PASD1: variants seen among roughly 807,000 people sequenced by gnomAD.
The protein encoded by PASD1 is PAS domain containing repressor 1.
PASD1 carries 13 observed loss-of-function variants against 58.8 expected under a neutral mutation model. The observed-to-expected ratio is 0.22, with a 90% CI of 0.14 to 0.35. PASD1 has a LOEUF of 0.35. Ranked by LOEUF, PASD1 falls within the 10% of genes least tolerant of loss-of-function variation. The pLI, the probability that PASD1 is intolerant of heterozygous loss-of-function variation, is 1.00. For missense variants in PASD1, 734 were observed against 568.3 expected, an observed-to-expected ratio of 1.29 and a Z score of -2.96; for synonymous variants, 236 against 216.7, an observed-to-expected ratio of 1.09 and a Z score of -0.78.
At chrX:151,651,413 A>G (rs758073432) in intron 9 of PASD1, among the ~76,000 whole-genome samples, 3 of 111,783 alleles carry the variant, frequency 2.7e-5, no homozygotes, top group Non-Finnish European at 5.6e-5. Context: ...ACCCAAATCC[A>G]TTGTGTCAGG....
intron 2 of PASD1, among the ~76,000 whole-genome samples, chrX:151,602,173 A>G (rs1385284675): frequency 9.0e-6 from 1 of 111,707 alleles, no homozygotes; most frequent in Non-Finnish European, 1.9e-5. Context: ...CAAGTGTACA[A>G]TATACTGTTA....
chrX:151,671,919 G>A (rs912672815), intron 13 of PASD1, 140 bp downstream of exon 13: 1 of 757,932 alleles, frequency 1.3e-6, no homozygotes, highest in African/African-American at 2.1e-5. Flanking sequence ...AAAAATCCTG[G>A]GCTACCTAGA....
At chrX:151,601,443 G>A in intron 1 of PASD1, 84 bp from the exon 2 acceptor site, 4 of 701,129 alleles carry the variant, frequency 5.7e-6, no homozygotes, top group Non-Finnish European at 8.7e-6. Flanking sequence ...TTACACAATT[G>A]AGAATTTTGA....
At chrX:151,660,272 C>T (rs2014293914) in intron 10 of PASD1, among the ~76,000 whole-genome samples, 3 of 111,456 alleles carry the variant, frequency 2.7e-5, no homozygotes, top group Admixed American at 9.6e-5. Flanking sequence ...ATTTCGTAAC[C>T]GTAATTGTTT....
chrX:151,564,725 A>G (rs1000584196), intron 1 of PASD1, among the ~76,000 whole-genome samples: 7 of 109,303 alleles, frequency 6.4e-5, no homozygotes, highest in Non-Finnish European at 1.1e-4. Flanking sequence ...ATTAAAAAAA[A>G]AAAAAAAATT....
At chrX:151,624,344 G>T (rs968205094) in intron 7 of PASD1, among the ~76,000 whole-genome samples, 3 of 111,233 alleles carry the variant, frequency 2.7e-5, no homozygotes, top group African/African-American at 9.8e-5. Context: ...GGATCAGGCA[G>T]TGTGGGAGGC....
chrX:151,609,804 T>G (rs377582435), intron 3 of PASD1, among the ~76,000 whole-genome samples: 1 of 101,503 alleles, frequency 9.9e-6, no homozygotes, highest in East Asian at 3.1e-4. Flanking sequence ...TTTCAGGGTG[T>G]TTTTTTTTTT....
intron 8 of PASD1, among the ~76,000 whole-genome samples, chrX:151,648,399 A>C (rs2014087030): frequency 9.0e-6 from 1 of 111,250 alleles, no homozygotes; most frequent in African/African-American, 3.3e-5. Context: ...GACCTGCAGC[A>C]AACTTCATTC....
chrX:151,600,143 A>G (rs897629760), intron 1 of PASD1, among the ~76,000 whole-genome samples: 20 of 111,729 alleles, frequency 1.8e-4, no homozygotes, highest in African/African-American at 5.2e-4. Context: ...GTGCGCCTGC[A>G]ATCCCAGGCA....
At position 151,622,975 on chromosome X, in the gene PASD1, C is replaced by T. The variant is rs980136794; in HGVS notation, c.457C>T (p.Leu153Phe). 1.7e-5 allele frequency: 20 copies of T among 1,208,705 alleles called. No individual in the cohort carries two copies. Among genetic ancestry groups the T allele is most frequent in the Non-Finnish European group, 2.1e-5 (19 of 893,044 alleles). Residue 153 changes from leucine to phenylalanine, a missense_variant, in exon 7 of 16, where the codon CTC (leucine) becomes TTC (phenylalanine). By Grantham distance (22) the Leu-to-Phe change is conservative (BLOSUM62 0). Transcript: ENST00000370357. Reference protein sequence around the residue: ...VVFSGLFSSHLCADFAACVPQ... With the variant: ...VVFSGLFSSHFCADFAACVPQ... Reference sequence around the variant, plus strand: ...CTTTAGTGGCTTGTTTTCCAGCCACCTCTGTGCTGACTTTGCTGCATGTGT... The same window carrying T: ...CTTTAGTGGCTTGTTTTCCAGCCACTTCTGTGCTGACTTTGCTGCATGTGT...
chrX:151,674,463 C>A (rs1287630681), intron 15 of PASD1, among the ~76,000 whole-genome samples: 1 of 112,821 alleles, frequency 8.9e-6, no homozygotes, highest in Admixed American at 9.3e-5. Flanking sequence ...CAAAGTGAGC[C>A]ATGCCATGTT....
chrX:151,630,536 A>G (rs2013854144), intron 8 of PASD1, among the ~76,000 whole-genome samples: 1 of 112,461 alleles, frequency 8.9e-6, no homozygotes, highest in Non-Finnish European at 1.9e-5. Flanking sequence ...CCTTGTCCCC[A>G]TGATATTTTC....
Position 151,671,138 on chromosome X carries a change from T to C in PASD1, c.1172T>C (p.Leu391Pro). The C allele has an allele frequency of 1.7e-6, 2 of 1,212,122 alleles. No individual in the cohort carries two copies. ...KEQLEERTWL[L>P]HDAIQNQQNA... Reference sequence around the variant, plus strand: ...CAGCTAGAAGAGAGGACTTGGTTGCTGCATGATGCCATCCAAAACCAGCAG... The same window carrying C: ...CAGCTAGAAGAGAGGACTTGGTTGCCGCATGATGCCATCCAAAACCAGCAG... The change falls in exon 12 of 16, where the codon CTG becomes CCG. Residue 391 changes from leucine to proline, a missense_variant. Transcript: ENST00000370357.
rs141902136 is a variant in PASD1 at position 151,596,557 on chromosome X, G to T, written c.-27-4970G>T. Among the ~76,000 whole-genome samples, 809 of 112,329 alleles carry T rather than the reference G, an allele frequency of 7.2e-3. 13 individuals are homozygous for T. Among genetic ancestry groups the T allele is most frequent in the African/African-American group, 0.025 (780 of 30,931 alleles). ...AGGAAACCACAACCAAGCCATAGCA[G>T]ACCTCTGTAACTTTTTGTTGCTATT... On this transcript the variant is annotated intron_variant, in intron 1 of 15. Coordinates refer to ENST00000370357, the MANE Select transcript of PASD1 (RefSeq NM_173493.3).
intron 7 of PASD1, among the ~76,000 whole-genome samples, 199 bp downstream of exon 7, chrX:151,623,263 A>G (rs191343703): frequency 2.7e-5 from 3 of 112,235 alleles, no homozygotes; most frequent in South Asian, 7.4e-4. Flanking sequence ...AAATTTAGAC[A>G]CACTCGAAAG....
rs139949652 is a variant in PASD1 at position 151,618,499 on chromosome X, A to G, written c.208-2431A>G. ...ACGGTATTATTCATTCATTCAACCAATATTTACTGAGTGCTTACCAGTGCC... is the reference window on the plus strand; with the variant it reads ...ACGGTATTATTCATTCATTCAACCAGTATTTACTGAGTGCTTACCAGTGCC... On this transcript the variant is annotated intron_variant, in intron 4 of 15. Coordinates refer to ENST00000370357, the MANE Select transcript of PASD1 (RefSeq NM_173493.3). 5.8e-3 allele frequency among the ~76,000 whole-genome samples: 644 copies of G among 111,926 alleles called. 3 individuals carry two copies. Among genetic ancestry groups the G allele is most frequent in the African/African-American group, 0.02 (613 of 30,873 alleles).
Position 151,672,562 on chromosome X carries a change from A to G in PASD1, c.1817A>G (p.Gln606Arg), listed in dbSNP as rs1191282794. The change falls in exon 14 of 16, where the codon CAG becomes CGG. Residue 606 changes from glutamine to arginine, a missense_variant. Coordinates refer to ENST00000370357, the MANE Select transcript of PASD1 (RefSeq NM_173493.3). ...PLCNHPVRFL[Q>R]AQPIVPVQRA... is the part of the protein sequence containing the mutation. The stretch of plus-strand genomic sequence containing the variant: ...TGCAATCACCCTGTTAGATTTTTAC[A>G]GGCCCAACCCATTGTTCCTGTCCAG... The G allele has an allele frequency of 5.8e-6, 7 of 1,210,485 alleles. No homozygotes were observed.
chrX:151,662,119 C>A (rs147462146), intron 10 of PASD1, among the ~76,000 whole-genome samples: 9,429 of 112,146 alleles, frequency 0.084, 366 homozygotes, highest in Non-Finnish European at 0.12. Context: ...ACAGCAATTA[C>A]TTCTAATGCC....
intron 1 of PASD1, among the ~76,000 whole-genome samples, chrX:151,568,671 G>T (rs2012882935): frequency 9.0e-6 from 1 of 111,569 alleles, no homozygotes; most frequent in Non-Finnish European, 1.9e-5. Flanking sequence ...AATATTTGTT[G>T]ATTTCATGAA....
Sources: allele counts gnomAD v4.1 joint callset (sites outside exome capture counted in the v4.1 genomes callset), GRCh38; gene constraint gnomAD v4.1.1; transcripts MANE v1.5; gene names NCBI Gene and HGNC (gene_info 2026-07-23, HGNC 2026-07-21).